FBXW8: variants seen among roughly 807,000 people sequenced by gnomAD.
The protein encoded by FBXW8 is F-box/WD repeat-containing protein 8.
FBXW8 carries 57 observed loss-of-function variants against 65.3 expected under a neutral mutation model. The observed-to-expected ratio is 0.87, with a 90% confidence interval of 0.71 to 1.09. FBXW8 has a LOEUF of 1.09. FBXW8 is among the 50% of genes least tolerant of loss of function. FBXW8 has a pLI of 0.00. For missense variants in FBXW8, 777 were observed against 814.8 expected, an observed-to-expected ratio of 0.95 and a Z score of 0.57; for synonymous variants, 308 against 330.2, an observed-to-expected ratio of 0.93 and a Z score of 0.73.
chr12:116,912,490 G>C (rs989609137), intron 1 of FBXW8, among the ~76,000 whole-genome samples: 4 of 129,784 alleles, frequency 3.1e-5, no homozygotes, highest in African/African-American at 1.2e-4. Context: ...AGTCTCGCTC[G>C]CTCTGTCGCC....
chr12:116,916,907 T>TGA (rs199590139), intron 1 of FBXW8, among the ~76,000 whole-genome samples: 7,639 of 98,470 alleles, frequency 0.078, 611 homozygotes, highest in African/African-American at 0.2. Context: ...TGTGTGTGTG[T>TGA]GTGTGAGAGA....
intron 8 of FBXW8, among the ~76,000 whole-genome samples, chr12:117,016,047 CAGATA>C (rs1953940584): frequency 6.6e-6 from 1 of 152,198 alleles, no homozygotes; most frequent in South Asian, 2.1e-4. Context: ...TTCCCTTGTA[CAGATA>C]TACTACATTT....
chr12:116,950,315 A>G (rs1257139731), intron 4 of FBXW8: 1 of 152,338 alleles, frequency 6.6e-6, no homozygotes, highest in Non-Finnish European at 1.5e-5. Flanking sequence ...TATTTACTCT[A>G]CAATAAGATC....
At position 116,942,209 on chromosome 12, in the gene FBXW8, T is replaced by G. The variant is rs77858203; in HGVS notation, c.424-3155T>G. Among the ~76,000 whole-genome samples the G allele has an allele frequency of 9.2e-4, 140 of 151,626 alleles. 1 individual carries two copies. Among genetic ancestry groups the G allele is most frequent in the African/African-American group, 3.2e-3 (134 of 41,312 alleles). On this transcript the variant is annotated intron_variant, in intron 2 of 10. Transcript: ENST00000652555. ...ACATCTGGCTAATTTTTTTTTTTTT[T>G]GTAGAGATGGGGTCTCACTGTTCAT... is the stretch of plus-strand genomic sequence containing the variant.
intron 1 of FBXW8, among the ~76,000 whole-genome samples, chr12:116,924,766 C>T (rs1048502851): frequency 2.6e-5 from 4 of 152,292 alleles, no homozygotes; most frequent in Middle Eastern, 3.4e-3. Flanking sequence ...TCAGATCATG[C>T]ACACTAATAA....
At chr12:116,938,280 T>G (rs1882299507) in intron 2 of FBXW8, among the ~76,000 whole-genome samples, 1 of 152,234 alleles carries the variant, frequency 6.6e-6, no homozygotes, top group Non-Finnish European at 1.5e-5. Flanking sequence ...AATACCTAAT[T>G]GTGGATACAA....
At chr12:116,941,777 A>G (rs1882581842) in intron 2 of FBXW8, among the ~76,000 whole-genome samples, 1 of 152,112 alleles carries the variant, frequency 6.6e-6, no homozygotes, top group Non-Finnish European at 1.5e-5. Context: ...TGTGTTAAAT[A>G]GATATTGTCT....
Position 116,911,096 on chromosome 12 carries a change from C to T in FBXW8, c.59C>T (p.Ala20Val), listed in dbSNP as rs1412070292. Residue 20 changes from alanine to valine, a missense_variant, in exon 1 of 11, where the codon GCC becomes GTC. Ala to Val is a moderately conservative substitution (Grantham distance 64). Transcript: ENST00000652555. ...RRRWQEELAQ[A>V]QAPKKRRRPE... ...CGCTGGCAGGAGGAGCTGGCGCAGG[C>T]CCAGGCGCCGAAGAAGCGGCGACGG... 4 of 1,423,278 alleles carry T rather than the reference C, an allele frequency of 2.8e-6. No individual in the cohort carries two copies. Among genetic ancestry groups the T allele is most frequent in the Non-Finnish European group, 3.6e-6 (4 of 1,097,724 alleles). 88.2% of individuals were successfully genotyped at this position (1,423,278 alleles called of 1,614,324 possible).
intron 7 of FBXW8, among the ~76,000 whole-genome samples, chr12:116,990,265 C>CT (rs750387391): frequency 2.6e-5 from 4 of 152,212 alleles, no homozygotes; most frequent in Admixed American, 2.6e-4. Flanking sequence ...GTGCTGCAAA[C>CT]TTTATCATCT....
intron 2 of FBXW8, among the ~76,000 whole-genome samples, chr12:116,939,114 C>T (rs942977100): frequency 1.3e-5 from 2 of 152,142 alleles, no homozygotes; most frequent in African/African-American, 2.4e-5. Context: ...TTGAGATACT[C>T]GTTGCAAAAA....
At chr12:117,021,293 T>C (rs772958875) in intron 8 of FBXW8, among the ~76,000 whole-genome samples, 21 of 152,244 alleles carry the variant, frequency 1.4e-4, no homozygotes, top group Admixed American at 1.3e-4. Context: ...TTATCTTTTC[T>C]GTCGATTTAA....
At chr12:116,993,908 G>A (rs965193903) in intron 7 of FBXW8, among the ~76,000 whole-genome samples, 1 of 152,074 alleles carries the variant, frequency 6.6e-6, no homozygotes, top group Admixed American at 6.5e-5. Context: ...TTTTATATAT[G>A]GTGAGAGAAA....
In FBXW8 at chr12:116,997,852, A is replaced by G. The variant is rs149545493; in HGVS notation, c.1239+8983A>G. On this transcript the variant is annotated intron_variant, in intron 7 of 10. Transcript: ENST00000652555. ...TTTTTGAGAGATGGAATCTCATTCT[A>G]TCACCCAGGCCAGAGTGCAGTGGCG... Among the ~76,000 whole-genome samples, 69 of 152,236 alleles carry G rather than the reference A, an allele frequency of 4.5e-4. 1 individual carries two copies. The highest frequency in any genetic ancestry group is 2.3e-3 in the South Asian group (11 of 4,818).
intron 2 of FBXW8, among the ~76,000 whole-genome samples, chr12:116,944,182 C>T (rs1882781897): frequency 6.6e-6 from 1 of 152,200 alleles, no homozygotes; most frequent in Admixed American, 6.5e-5. Context: ...GATTTAGCCA[C>T]TTTTCTTGGA....
At chr12:116,970,402 G>A (rs1414560441) in intron 5 of FBXW8, among the ~76,000 whole-genome samples, 1 of 152,156 alleles carries the variant, frequency 6.6e-6, no homozygotes, top group Non-Finnish European at 1.5e-5. Flanking sequence ...CAGTGCAACT[G>A]TCTGAACGCA....
chr12:116,925,441 G>A (rs560480701), intron 1 of FBXW8, among the ~76,000 whole-genome samples: 65 of 152,228 alleles, frequency 4.3e-4, no homozygotes, highest in Non-Finnish European at 8.8e-4. Flanking sequence ...TACTCTAAGT[G>A]TGCGGCATGA....
chr12:116,982,327 C>T (rs1021279499), intron 5 of FBXW8, among the ~76,000 whole-genome samples: 14 of 152,120 alleles, frequency 9.2e-5, no homozygotes, highest in African/African-American at 3.4e-4. Flanking sequence ...TAACACTAAT[C>T]GAAAACTGGC....
At chr12:116,950,824 C>A (rs1410248951) in intron 4 of FBXW8, 2 of 152,116 alleles carry the variant, frequency 1.3e-5, no homozygotes, top group Non-Finnish European at 2.9e-5. Flanking sequence ...AAAATGTGGG[C>A]CTGCGATCAA....
rs753539482 is a variant in FBXW8 at position 116,988,720 on chromosome 12, G to C, written c.1090G>C (p.Ala364Pro). The C allele has an allele frequency of 1.1e-5, 18 of 1,614,056 alleles. No individual in the cohort carries two copies. In the Admixed American group the frequency reaches 3.0e-4, roughly 27 times the overall value. The change falls in exon 7 of 11, where the codon GCT becomes CCT. Residue 364 changes from alanine to proline, a missense_variant. Coordinates refer to ENST00000652555, the MANE Select transcript of FBXW8 (RefSeq NM_153348.3). ...TRRYPVAVAA[A>P]GDLMYLLKAE... ...AAGGTACCCTGTGGCAGTAGCCGCT[G>C]CTGGAGATCTGATGTACCTGCTCAA...
Sources: gnomAD v4.1 joint callset for allele counts (sites outside exome capture counted in the v4.1 genomes callset) on GRCh38, gnomAD v4.1.1 for gene constraint, MANE v1.5 for transcripts, NCBI Gene and HGNC (gene_info 2026-07-23, HGNC 2026-07-21) for gene names.